Variants in PIN4 observed in about 807,000 individuals in gnomAD.
PIN4 encodes peptidylprolyl cis/trans isomerase, NIMA-interacting 4.
PIN4 carries 3 observed loss-of-function variants against 8.3 expected under a neutral mutation model. The ratio of observed to expected loss-of-function variants is 0.36; its 90% CI spans 0.16 to 0.93. The LOEUF (loss-of-function observed/expected upper bound fraction) is 0.93. PIN4 is among the 40% of genes least tolerant of loss of function. The probability of loss-of-function intolerance (pLI) is 0.44; values close to 1 mark genes in which losing one functional copy is unlikely to be tolerated. For synonymous variants in PIN4, 18 were observed against 32.5 expected, an observed-to-expected ratio of 0.55 and a Z score of 1.52; for missense variants, 75 against 100.6, an observed-to-expected ratio of 0.75 and a Z score of 1.09.
chrX:72,243,825 C>T (rs1367649881), intron 3 of PIN4, among the ~76,000 whole-genome samples: 6 of 111,985 alleles, frequency 5.4e-5, no homozygotes, highest in African/African-American at 1.9e-4. Flanking sequence ...TCTTTTAATC[C>T]TTAACAACAA....
intron 2 of PIN4, among the ~76,000 whole-genome samples, chrX:72,190,746 A>G (rs1033365280): frequency 9.1e-6 from 1 of 110,319 alleles, no homozygotes; most frequent in African/African-American, 3.3e-5. Flanking sequence ...TGAGGTCAAG[A>G]GTCCAAGATC....
downstream of PIN4, among the ~76,000 whole-genome samples, chrX:72,199,337 A>G (rs1348980548): frequency 8.9e-6 from 1 of 111,824 alleles, no homozygotes; most frequent in African/African-American, 3.3e-5. Context: ...GAATTTAAGA[A>G]GACCAGCCTG....
intron 3 of PIN4, among the ~76,000 whole-genome samples, chrX:72,211,841 A>G (rs1315357464): frequency 2.7e-5 from 3 of 112,004 alleles, no homozygotes; most frequent in Non-Finnish European, 5.6e-5. Flanking sequence ...AGGTGATACA[A>G]CAATTAAACT....
chrX:72,248,115 G>T (rs964928787), intron 3 of PIN4, among the ~76,000 whole-genome samples: 3 of 109,521 alleles, frequency 2.7e-5, no homozygotes, highest in Admixed American at 2.0e-4. Flanking sequence ...CTTGCACGAG[G>T]TCATGCAGCA....
In PIN4 at chrX:72,198,235, T is replaced by C. The variant is rs929186001; in HGVS notation, c.*709T>C. On this transcript the variant is annotated 3_prime_UTR_variant, in exon 4 of 4. Coordinates refer to ENST00000373669, the MANE Select transcript of PIN4 (RefSeq NM_006223.4). ...CTTTCCAGGGCCAATGTTCTGTGCA[T>C]CTAAATTTTTAAAATTTAAAATGCC... 1.1e-5 allele frequency: 8 copies of C among 741,628 alleles called. No individual in the cohort carries two copies. The highest frequency in any genetic ancestry group is 1.3e-5 in the Non-Finnish European group (8 of 628,747). The allele number at this position is 741,628 out of a possible 1,213,427, so 61.1% of individuals were successfully genotyped here.
chrX:72,194,333 G>A (rs1188334964), intron 2 of PIN4, among the ~76,000 whole-genome samples: 2 of 111,783 alleles, frequency 1.8e-5, no homozygotes, highest in Admixed American at 1.9e-4. Context: ...TCAGGAGTTC[G>A]AGACCAGCCT....
intron 3 of PIN4, chrX:72,238,972 G>C: frequency 9.7e-7 from 1 of 1,032,365 alleles, no homozygotes; most frequent in Non-Finnish European, 1.3e-6. Context: ...CTTGGAGCTT[G>C]GAGCTTGGAG....
At chrX:72,228,907 C>T (rs2042967946) in intron 3 of PIN4, among the ~76,000 whole-genome samples, 1 of 111,313 alleles carries the variant, frequency 9.0e-6, no homozygotes, top group South Asian at 3.8e-4. Context: ...TCGCTGTCTT[C>T]CTCAGCCTAC....
At chrX:72,195,772 G>A (rs938198316) in intron 2 of PIN4, among the ~76,000 whole-genome samples, 18 of 111,728 alleles carry the variant, frequency 1.6e-4, no homozygotes, top group South Asian at 3.7e-4. Context: ...CATAGGTCCC[G>A]TTATCATTGC....
intron 3 of PIN4, among the ~76,000 whole-genome samples, chrX:72,203,859 G>GTGAC (rs2042801690): frequency 8.9e-6 from 1 of 111,944 alleles, no homozygotes; most frequent in Non-Finnish European, 1.9e-5. Flanking sequence ...CACTTCTCTG[G>GTGAC]TGACAGAGTG....
intron 1 of PIN4, among the ~76,000 whole-genome samples, chrX:72,184,794 A>G (rs1192142329): frequency 9.0e-6 from 1 of 111,360 alleles, no homozygotes; most frequent in African/African-American, 3.3e-5. Flanking sequence ...TGTGCCAGGC[A>G]TTGTGCTAGG....
chrX:72,248,313 A>G (rs1418737384), intron 3 of PIN4, among the ~76,000 whole-genome samples: 130 of 51,943 alleles, frequency 2.5e-3, no homozygotes, highest in African/African-American at 0.013. Flanking sequence ...AAAAAAAAAA[A>G]AAAAAAAAAA....
At chrX:72,249,876 T>C (rs1165889483) in intron 3 of PIN4, among the ~76,000 whole-genome samples, 1 of 111,363 alleles carries the variant, frequency 9.0e-6, no homozygotes, top group Admixed American at 9.6e-5. Flanking sequence ...TTAAGGCCTA[T>C]GCATTTTACT....
At chrX:72,202,452 G>A (rs1794417067), downstream of PIN4, among the ~76,000 whole-genome samples, 1 of 112,539 alleles carries the variant, frequency 8.9e-6, no homozygotes, top group South Asian at 3.6e-4. Context: ...AATACATTGT[G>A]TGGATTTTTT....
At chrX:72,186,932 AT>A (rs1323493238) in intron 2 of PIN4, among the ~76,000 whole-genome samples, 1 of 112,161 alleles carries the variant, frequency 8.9e-6, no homozygotes, top group Non-Finnish European at 1.9e-5. Flanking sequence ...TCTCAAAAAA[AT>A]AAATAAATAA....
intron 3 of PIN4, among the ~76,000 whole-genome samples, chrX:72,261,289 C>T (rs1449509819): frequency 2.1e-5 from 2 of 93,930 alleles, no homozygotes; most frequent in Non-Finnish European, 4.1e-5. Flanking sequence ...AGGGAGACTC[C>T]GTCTCAGAAA....
intron 2 of PIN4, among the ~76,000 whole-genome samples, chrX:72,191,776 C>T (rs1468603791): frequency 8.9e-6 from 1 of 111,793 alleles, no homozygotes; most frequent in African/African-American, 3.3e-5. Flanking sequence ...GTTACCTCCT[C>T]ACCTTTTTTC....
At chrX:72,230,725 G>A (rs930340067) in intron 3 of PIN4, among the ~76,000 whole-genome samples, 1 of 112,026 alleles carries the variant, frequency 8.9e-6, no homozygotes, top group Non-Finnish European at 1.9e-5. Flanking sequence ...CACTTTGGGA[G>A]GCCTAGGGTG....
chrX:72,262,127 A>G (rs1156615295), intron 3 of PIN4, among the ~76,000 whole-genome samples: 1 of 111,864 alleles, frequency 8.9e-6, no homozygotes, highest in Non-Finnish European at 1.9e-5. Context: ...CAGACCACCT[A>G]TCACAACATA....
Sources: gnomAD v4.1 joint callset for allele counts (sites outside exome capture counted in the v4.1 genomes callset) on GRCh38, gnomAD v4.1.1 for gene constraint, MANE v1.5 for transcripts, NCBI Gene and HGNC (gene_info 2026-07-23, HGNC 2026-07-21) for gene names.